The following CXADR variants were observed in gnomAD, a reference collection of about 807,000 sequenced individuals.
The protein encoded by CXADR is CXADR cell adhesion molecule, also known as coxsackievirus and adenovirus receptor.
Under a neutral mutation model 40.3 loss-of-function variants are expected in CXADR, and 20 were observed. The ratio of observed to expected loss-of-function variants is 0.50; its 90% CI spans 0.35 to 0.72. CXADR has a LOEUF of 0.72. CXADR is among the 30% of genes least tolerant of loss of function. The pLI, the probability that CXADR is intolerant of heterozygous loss-of-function variation, is 0.01. For missense variants in CXADR, 332 were observed against 449.1 expected (o/e 0.74, Z 2.36); for synonymous variants, 150 against 161.3 (o/e 0.93, Z 0.53).
chr21:17,608,118 A>C, the CXADR span, among the ~76,000 whole-genome samples: 4 of 152,174 alleles, frequency 2.6e-5, no homozygotes, highest in Non-Finnish European at 5.9e-5. Flanking sequence ...TGTAATCCTC[A>C]CATTCTGGGA....
intron 1 of CXADR, among the ~76,000 whole-genome samples, chr21:17,524,044 G>T (rs547747708): frequency 4.1e-5 from 4 of 97,382 alleles, no homozygotes; most frequent in Non-Finnish European, 8.0e-5. Flanking sequence ...GTGTGTGTGC[G>T]TGTGTGTGTG....
rs1601038895 is a variant in CXADR, at chr21:17,568,951, A to G, written c.*3259A>G. ...TGAAAAAATCCAAATCACTATCCATATAGATCATGGATATAAAGAGATACC... is the reference window on the plus strand; with the variant it reads ...TGAAAAAATCCAAATCACTATCCATGTAGATCATGGATATAAAGAGATACC... On this transcript the variant is annotated 3_prime_UTR_variant, in exon 7 of 7. Transcript: ENST00000284878. 1.3e-5 allele frequency: 13 copies of G among 980,852 alleles called. No individual in the cohort carries two copies. The highest frequency in any genetic ancestry group is 5.2e-4 in the Middle Eastern group (1 of 1,928). The allele number at this position is 980,852 out of a possible 1,614,324, so 60.8% of individuals were successfully genotyped here. A position where few individuals can be genotyped will look rare whatever the true frequency, so the allele number is the denominator to read the frequency against.
intron 1 of CXADR, among the ~76,000 whole-genome samples, chr21:17,546,579 G>T (rs2060899795): frequency 6.6e-6 from 1 of 152,120 alleles, no homozygotes; most frequent in Non-Finnish European, 1.5e-5. Flanking sequence ...CTCACTATCA[G>T]CAAGGGGGAA....
chr21:17,568,715 A>G lies in CXADR; in HGVS notation c.*3023A>G. The G allele has an allele frequency of 1.0e-6, 1 of 985,150 alleles. No individual in the cohort carries two copies. Among genetic ancestry groups the G allele is most frequent in the Non-Finnish European group, 1.2e-6 (1 of 829,892 alleles). The allele number at this position is 985,150 out of a possible 1,614,324, so 61.0% of individuals were successfully genotyped here. A position where few individuals can be genotyped will look rare whatever the true frequency, so the allele number is the denominator to read the frequency against. Reference sequence around the variant, plus strand: ...CAGTTCTGTACTTTGAATATGGAGTAGTTTACAGCTATTTTTTTTTCTTAC... The same window carrying G: ...CAGTTCTGTACTTTGAATATGGAGTGGTTTACAGCTATTTTTTTTTCTTAC... On this transcript the variant is annotated 3_prime_UTR_variant, in exon 7 of 7. Coordinates refer to ENST00000284878, the MANE Select transcript of CXADR (RefSeq NM_001338.5).
chr21:17,621,127 A>G, the CXADR span, among the ~76,000 whole-genome samples: 2 of 152,338 alleles, frequency 1.3e-5, no homozygotes, highest in African/African-American at 4.8e-5. Flanking sequence ...ATTCACATCT[A>G]GCAATCTGGA....
In CXADR at chr21:17,559,822, G is replaced by A. The variant is rs527743012; in HGVS notation, c.571+691G>A. On this transcript the variant is annotated intron_variant, in intron 4 of 6. Coordinates refer to ENST00000284878, the MANE Select transcript of CXADR (RefSeq NM_001338.5). ...GCCTCCCGAGTAGCTGAGACTACAG[G>A]CATGTGTCACCACACCCTGCTAATT... 2.5e-4 allele frequency among the ~76,000 whole-genome samples: 38 copies of A among 151,462 alleles called. No homozygotes were observed. In the South Asian group the frequency reaches 6.9e-3, roughly 27 times the overall value.
intron 2 of CXADR, among the ~76,000 whole-genome samples, chr21:17,547,837 T>C (rs977722324): frequency 6.6e-6 from 1 of 152,166 alleles, no homozygotes; most frequent in Admixed American, 6.5e-5. Context: ...CTATAAAATA[T>C]TTAGTCTTAA....
chr21:17,571,202 C>T (rs1271589946), downstream of CXADR, among the ~76,000 whole-genome samples: 1 of 152,164 alleles, frequency 6.6e-6, no homozygotes, highest in Non-Finnish European at 1.5e-5. Context: ...TGTTTAAATA[C>T]CACTTATTAC....
At chr21:17,576,693 T>C (rs1043740303) in intron 7 of CXADR, 2 of 152,144 alleles carry the variant, frequency 1.3e-5, no homozygotes, top group Non-Finnish European at 1.5e-5. Context: ...TTTGGGATTT[T>C]TACAGTAACT....
chr21:17,586,437 T>A (rs2061397207), intron 7 of CXADR, among the ~76,000 whole-genome samples: 1 of 148,118 alleles, frequency 6.8e-6, no homozygotes, highest in African/African-American at 2.5e-5. Context: ...ATATGTATAA[T>A]CCTTCCATAT....
intron 1 of CXADR, among the ~76,000 whole-genome samples, chr21:17,519,913 C>G (rs1352442090): frequency 6.6e-6 from 1 of 151,906 alleles, no homozygotes; most frequent in African/African-American, 2.4e-5. Context: ...GAGCTGAGAT[C>G]GCGCCACTGC....
the CXADR span, among the ~76,000 whole-genome samples, chr21:17,601,304 G>A: frequency 6.6e-6 from 1 of 152,174 alleles, no homozygotes; most frequent in Non-Finnish European, 1.5e-5. Flanking sequence ...TGCTGGACGA[G>A]GAAGCTGGAG....
At chr21:17,543,329 A>G (rs1310524675) in intron 1 of CXADR, among the ~76,000 whole-genome samples, 1 of 152,226 alleles carries the variant, frequency 6.6e-6, no homozygotes, top group Non-Finnish European at 1.5e-5. Flanking sequence ...GAAAGATAAT[A>G]TAAAAACTAA....
chr21:17,592,223 CTA>C (rs1221342887), intron 7 of CXADR, among the ~76,000 whole-genome samples: 1 of 151,908 alleles, frequency 6.6e-6, no homozygotes, highest in African/African-American at 2.4e-5. Flanking sequence ...CCCAACAAAC[CTA>C]TATAGTCATC....
chr21:17,605,282 G>A, the CXADR span: 150 of 238,788 alleles, frequency 6.3e-4, no homozygotes, highest in Middle Eastern at 4.0e-3. Context: ...AAATGAGCAC[G>A]GAGTATGAAA....
chr21:17,629,476 G>A, the CXADR span, among the ~76,000 whole-genome samples: 56 of 152,058 alleles, frequency 3.7e-4, no homozygotes, highest in Non-Finnish European at 6.8e-4. Flanking sequence ...GATGTCGGAG[G>A]ATTACCTGAG....
chr21:17,517,372 G>A (rs2060474580), intron 1 of CXADR, among the ~76,000 whole-genome samples: 1 of 152,168 alleles, frequency 6.6e-6, no homozygotes, highest in Non-Finnish European at 1.5e-5. Flanking sequence ...ATAGTGAGCA[G>A]CTACAATAGT....
At chr21:17,603,284 C>T in the CXADR span, among the ~76,000 whole-genome samples, 1 of 152,060 alleles carries the variant, frequency 6.6e-6, no homozygotes, top group African/African-American at 2.4e-5. Flanking sequence ...TTAATTAGTC[C>T]CAGAATCTAA....
chr21:17,613,113 C>T, the CXADR span: 2 of 152,148 alleles, frequency 1.3e-5, no homozygotes, highest in African/African-American at 2.4e-5. Context: ...TGGCGCAGAC[C>T]CTCGACCGCG....
Sources: allele counts gnomAD v4.1 joint callset (sites outside exome capture counted in the v4.1 genomes callset), GRCh38; gene constraint gnomAD v4.1.1; transcripts MANE v1.5; gene names NCBI Gene and HGNC (gene_info 2026-07-23, HGNC 2026-07-21).